The following PPIL6 variants were observed in gnomAD, a reference collection of about 807,000 sequenced individuals.
The protein encoded by PPIL6 is peptidylprolyl isomerase like 6.
A neutral mutation model predicts 36.8 loss-of-function variants in PPIL6; 39 were observed. The ratio of observed to expected loss-of-function variants is 1.06; its 90% CI spans 0.82 to 1.38. The LOEUF (loss-of-function observed/expected upper bound fraction) is 1.38. Ranked by LOEUF, PPIL6 falls within the 40% of genes most tolerant of loss-of-function variation. The probability of loss-of-function intolerance (pLI) is 0.00; values close to 1 mark genes in which losing one functional copy is unlikely to be tolerated. For synonymous variants in PPIL6, 123 were observed against 134.1 expected (o/e 0.92, Z 0.57); for missense variants, 368 against 379.1 (o/e 0.97, Z 0.24).
rs183975096 is a variant in PPIL6 at position 109,414,886 on chromosome 6, G to A, written c.688+4301C>T. ...TGCCTTATCAATAACATAAATAGTCGATTACATATATTTGGTGTGTTACAT... is the reference window on the plus strand; with the variant it reads ...TGCCTTATCAATAACATAAATAGTCAATTACATATATTTGGTGTGTTACAT... On this transcript the variant is annotated intron_variant, in intron 6 of 7. Transcript: ENST00000521072. Among the ~76,000 whole-genome samples the A allele has an allele frequency of 4.0e-3, 616 of 152,126 alleles. 2 individuals carry two copies. The highest frequency in any genetic ancestry group is 5.6e-3 in the Non-Finnish European group (380 of 67,978).
At chr6:109,395,893 TG>T (rs1772285110) in intron 7 of PPIL6, among the ~76,000 whole-genome samples, 2 of 144,166 alleles carry the variant, frequency 1.4e-5, no homozygotes, top group Admixed American at 7.3e-5. Flanking sequence ...TGTAGTGCAG[TG>T]GTGCGATCTC....
intron 1 of PPIL6, among the ~76,000 whole-genome samples, chr6:109,438,226 C>G (rs935274990): frequency 1.3e-5 from 2 of 151,908 alleles, no homozygotes; most frequent in African/African-American, 4.8e-5. Context: ...GTTAATCAGG[C>G]ATCTGGGATC....
intron 2 of PPIL6, among the ~76,000 whole-genome samples, chr6:109,434,447 GT>G (rs1323397899): frequency 6.6e-6 from 1 of 152,152 alleles, no homozygotes; most frequent in African/African-American, 2.4e-5. Context: ...GTGGGTGTGT[GT>G]GTGTCTAGAA....
At chr6:109,411,383 T>C (rs752716108) in intron 6 of PPIL6, among the ~76,000 whole-genome samples, 6 of 152,198 alleles carry the variant, frequency 3.9e-5, no homozygotes, top group African/African-American at 7.2e-5. Flanking sequence ...GCAGTTCTCA[T>C]TAACAGACTA....
intron 6 of PPIL6, among the ~76,000 whole-genome samples, chr6:109,406,029 A>AT (rs1246994608): frequency 1.3e-5 from 2 of 151,680 alleles, no homozygotes; most frequent in Non-Finnish European, 2.9e-5. Context: ...CAAAGTGTAG[A>AT]TTTTTTTGGT....
intron 1 of PPIL6, chr6:109,440,234 A>T (rs4945831): frequency 1.6e-6 from 1 of 624,462 alleles, no homozygotes; most frequent in Non-Finnish European, 2.9e-6. Flanking sequence ...TCCCTTTAAA[A>T]GTCGCCAAGT....
chr6:109,418,549 T>C (rs1310118473), intron 6 of PPIL6, among the ~76,000 whole-genome samples: 2 of 110,918 alleles, frequency 1.8e-5, no homozygotes, highest in Admixed American at 1.7e-4. Context: ...TCTTTTTTTC[T>C]TTTTTTTTTT....
chr6:109,440,619 C>T lies in PPIL6; in HGVS notation c.-29G>A, dbSNP rs1485948299. 2.4e-6 allele frequency: 3 copies of T among 1,233,298 alleles called. No homozygotes were observed. Among genetic ancestry groups the T allele is most frequent in the East Asian group, 6.8e-5 (2 of 29,578 alleles). 76.4% of individuals were successfully genotyped at this position (1,233,298 alleles called of 1,614,324 possible). A position where few individuals can be genotyped will look rare whatever the true frequency, so the allele number is the denominator to read the frequency against. ...CGCGCCCGGGGACGCCCGGTGACCC[C>T]AAACACTGCGCGTCGCTCCGGCAAC... On this transcript the variant is annotated 5_prime_UTR_variant, in exon 1 of 8. Transcript: ENST00000521072.
In PPIL6 at chr6:109,426,958, A is replaced by G; in HGVS notation, c.520T>C (p.Phe174Leu). 2 of 1,607,346 alleles carry G rather than the reference A, an allele frequency of 1.2e-6. No individual in the cohort carries two copies. Among genetic ancestry groups the G allele is most frequent in the Non-Finnish European group, 1.7e-6 (2 of 1,174,804 alleles). Residue 174 changes from phenylalanine (F) to leucine (L), a missense_variant, in exon 5 of 8, where the codon TTT becomes CTT. Transcript: ENST00000521072. ...CDVCPKTCKN[F>L]QVLCTGKAGF... ...GCTTTTCCTGTGCACAAGACCTGAA[A>G]ATTTTTACATGTTTTGGGACACACA...
At chr6:109,394,495 A>C (rs1772219044) in intron 7 of PPIL6, among the ~76,000 whole-genome samples, 1 of 152,058 alleles carries the variant, frequency 6.6e-6, no homozygotes, top group African/African-American at 2.4e-5. Context: ...AAAAAAGGGC[A>C]GAGAGACAGG....
chr6:109,396,685 T>G (rs554040066), intron 7 of PPIL6, among the ~76,000 whole-genome samples: 50 of 151,360 alleles, frequency 3.3e-4, no homozygotes, highest in African/African-American at 1.2e-3. Context: ...TAATTCCCCC[T>G]CCCCCAAACC....
chr6:109,401,443 A>C (rs1006079367), intron 6 of PPIL6, among the ~76,000 whole-genome samples: 1 of 152,212 alleles, frequency 6.6e-6, no homozygotes, highest in Non-Finnish European at 1.5e-5. Flanking sequence ...TTAACTGTCT[A>C]TAAGATTTTA....
At position 109,413,664 on chromosome 6, in the gene PPIL6, A is replaced by G. The variant is rs780291720; in HGVS notation, c.688+5523T>C. On this transcript the variant is annotated intron_variant, in intron 6 of 7. Coordinates refer to ENST00000521072, the MANE Select transcript of PPIL6 (RefSeq NM_173672.5). The surrounding 1 kb of genome is among the most constrained non-coding windows in gnomAD (Gnocchi z 4.6). ...ATATCAAAGAGATACCTGCACTCCTATGTTTGTTGCAGCACTGTTTACAAT... is the reference window on the plus strand; with the variant it reads ...ATATCAAAGAGATACCTGCACTCCTGTGTTTGTTGCAGCACTGTTTACAAT... Among the ~76,000 whole-genome samples, 49 of 152,336 alleles carry G rather than the reference A, an allele frequency of 3.2e-4. No homozygotes were observed. Among genetic ancestry groups the G allele is most frequent in the Non-Finnish European group, 1.6e-4 (11 of 68,026 alleles).
chr6:109,400,012 A>T, intron 7 of PPIL6, 23 bp downstream of exon 7: 1 of 1,562,414 alleles, frequency 6.4e-7, no homozygotes, highest in Non-Finnish European at 8.8e-7. Flanking sequence ...AATATTATAT[A>T]AATAGATCTA....
chr6:109,436,560 A>C (rs1384709220), intron 1 of PPIL6, among the ~76,000 whole-genome samples: 3 of 152,170 alleles, frequency 2.0e-5, no homozygotes, highest in Non-Finnish European at 4.4e-5. Context: ...TCTACTAAAA[A>C]TACAAAAAAA....
intron 3 of PPIL6, among the ~76,000 whole-genome samples, chr6:109,428,092 A>T (rs1773918892): frequency 1.3e-5 from 2 of 152,230 alleles, no homozygotes; most frequent in Admixed American, 1.3e-4. Context: ...AGATGCCCTC[A>T]GCTTGTCTTC....
chr6:109,430,430 T>C (rs1354151511), intron 3 of PPIL6, among the ~76,000 whole-genome samples: 1 of 139,846 alleles, frequency 7.2e-6, no homozygotes, highest in South Asian at 2.4e-4. Flanking sequence ...TATGTGTTCA[T>C]GCTTTTTTTT....
chr6:109,435,992 A>G (rs546065337), intron 2 of PPIL6, 112 bp downstream of exon 2: 7 of 744,458 alleles, frequency 9.4e-6, no homozygotes, highest in Non-Finnish European at 1.7e-5. Context: ...GTAGAGAAAT[A>G]AAATCTAGTT....
At chr6:109,434,639 T>C (rs756139875) in intron 2 of PPIL6, among the ~76,000 whole-genome samples, 1 of 152,106 alleles carries the variant, frequency 6.6e-6, no homozygotes, top group African/African-American at 2.4e-5. Flanking sequence ...GCTTCCATGA[T>C]AATTAATCAC....
Sources: allele counts gnomAD v4.1 joint callset (sites outside exome capture counted in the v4.1 genomes callset), GRCh38; gene constraint gnomAD v4.1.1; non-coding constraint Gnocchi (gnomAD v3.1); transcripts MANE v1.5; gene names NCBI Gene and HGNC (gene_info 2026-07-23, HGNC 2026-07-21).